The following CYP19A1 variants were observed in gnomAD, a reference collection of about 807,000 sequenced individuals.
CYP19A1 encodes cytochrome P450 family 19 subfamily A member 1, also known as aromatase.
A neutral mutation model predicts 44.4 loss-of-function variants in CYP19A1; 32 were observed. The ratio of observed to expected loss-of-function variants is 0.72; its 90% CI spans 0.54 to 0.97. The LOEUF is 0.97. CYP19A1 is among the 50% of genes least tolerant of loss of function. The probability of loss-of-function intolerance (pLI) is 0.00; values close to 1 mark genes in which losing one functional copy is unlikely to be tolerated. For missense variants in CYP19A1, 598 were observed against 637.8 expected (o/e 0.94, Z 0.67); for synonymous variants, 212 against 215.6 (o/e 0.98, Z 0.14).
chr15:51,278,627 G>T (rs541478068), intron 1 of CYP19A1, among the ~76,000 whole-genome samples: 2 of 152,340 alleles, frequency 1.3e-5, no homozygotes, highest in African/African-American at 4.8e-5. Context: ...AGTGATCTTA[G>T]CCTTTAGCCA....
At chr15:51,317,350 C>T (rs1000901923) in intron 1 of CYP19A1, among the ~76,000 whole-genome samples, 2 of 152,150 alleles carry the variant, frequency 1.3e-5, no homozygotes, top group African/African-American at 4.8e-5. Context: ...ACCTCGTGAT[C>T]GGCCTGCCTT....
At chr15:51,217,215 G>A (rs1595673698) in intron 6 of CYP19A1, among the ~76,000 whole-genome samples, 2 of 152,210 alleles carry the variant, frequency 1.3e-5, no homozygotes, top group Non-Finnish European at 2.9e-5. Flanking sequence ...GTGTTGGAAT[G>A]CCCCAGCCTC....
intron 4 of CYP19A1, among the ~76,000 whole-genome samples, chr15:51,226,933 C>T (rs1261864233): frequency 6.6e-6 from 1 of 151,984 alleles, no homozygotes; most frequent in East Asian, 1.9e-4. Context: ...AGATATGGTC[C>T]CTCTCAGTTC....
At chr15:51,331,572 A>G (rs1166287461) in intron 1 of CYP19A1, among the ~76,000 whole-genome samples, 4 of 151,974 alleles carry the variant, frequency 2.6e-5, no homozygotes, top group African/African-American at 9.7e-5. Context: ...ATGTATTTGT[A>G]TGACCCAGAA....
chr15:51,210,846 A>G lies in CYP19A1; in HGVS notation c.1474T>C (p.Phe492Leu). The G allele has an allele frequency of 1.9e-6, 3 of 1,599,214 alleles. No homozygotes were observed. Among genetic ancestry groups the G allele is most frequent in the Non-Finnish European group, 1.7e-6 (2 of 1,166,430 alleles). The change falls in exon 10 of 10, where the codon TTT becomes CTT. Residue 492 changes from phenylalanine (F) to leucine (L), a missense_variant. By Grantham distance (22) the Phe-to-Leu change is conservative. Coordinates refer to ENST00000396402, the MANE Select transcript of CYP19A1 (RefSeq NM_000103.4). ...DETKNMLEMI[F>L]TPRNSDRCLE... ...CACCTGTCTGAGTTTCTTGGGGTAA[A>G]GATCATTTCCAGCATGTTTTTAGTC... is the stretch of plus-strand genomic sequence containing the variant.
chr15:51,275,384 C>T (rs544249738), intron 1 of CYP19A1, among the ~76,000 whole-genome samples: 1 of 152,358 alleles, frequency 6.6e-6, no homozygotes, highest in South Asian at 2.1e-4. Context: ...TCCAGCCCTA[C>T]TCAGAGCTTT....
At chr15:51,228,027 C>T in intron 3 of CYP19A1, 94 bp from the exon 4 acceptor site, 1 of 776,514 alleles carries the variant, frequency 1.3e-6, no homozygotes, top group South Asian at 1.4e-5. Flanking sequence ...TTAGCAAATG[C>T]ATGTTGCTCC....
At chr15:51,253,996 G>A (rs935784930) in intron 1 of CYP19A1, among the ~76,000 whole-genome samples, 5 of 152,154 alleles carry the variant, frequency 3.3e-5, no homozygotes, top group Non-Finnish European at 7.3e-5. Context: ...AAATGAAGAG[G>A]CTAGATTTGT....
intron 1 of CYP19A1, among the ~76,000 whole-genome samples, chr15:51,244,406 G>A (rs752896375): frequency 6.6e-6 from 1 of 152,014 alleles, no homozygotes; most frequent in Non-Finnish European, 1.5e-5. Flanking sequence ...GCACTGGAAA[G>A]GTCCTTTGAG....
chr15:51,223,559 T>C (rs932582810), intron 4 of CYP19A1, among the ~76,000 whole-genome samples: 2 of 149,020 alleles, frequency 1.3e-5, no homozygotes, highest in African/African-American at 5.0e-5. Flanking sequence ...CTATCCTCTC[T>C]CTCTCTCTCT....
At chr15:51,294,563 C>T (rs1374901679) in intron 1 of CYP19A1, among the ~76,000 whole-genome samples, 148 of 148,358 alleles carry the variant, frequency 1.0e-3, no homozygotes, top group Non-Finnish European at 1.8e-3. Flanking sequence ...CCGGCAGCCG[C>T]CCCGTCCGGG....
Position 51,229,507 on chromosome 15 carries a change from T to A in CYP19A1, c.297-1574A>T, listed in dbSNP as rs28500668. Among the ~76,000 whole-genome samples, 1,203 of 152,066 alleles carry A rather than the reference T, an allele frequency of 7.9e-3. 27 individuals are homozygous for A. Among genetic ancestry groups the A allele is most frequent in the African/African-American group, 0.028 (1,158 of 41,512 alleles). ...AATATTCTCTTGATCTGATTCCAGA[T>A]AATATTCATCAAATAATCCTAAGTT... On this transcript the variant is annotated intron_variant, in intron 3 of 9. Coordinates refer to ENST00000396402, the MANE Select transcript of CYP19A1 (RefSeq NM_000103.4).
chr15:51,317,664 G>A (rs1347403781), intron 1 of CYP19A1, among the ~76,000 whole-genome samples: 1 of 152,200 alleles, frequency 6.6e-6, no homozygotes, highest in Non-Finnish European at 1.5e-5. Context: ...AACCATGTGG[G>A]CATGAAGAGG....
intron 2 of CYP19A1, among the ~76,000 whole-genome samples, chr15:51,241,368 C>G (rs1302281836): frequency 3.3e-5 from 5 of 152,302 alleles, no homozygotes; most frequent in Non-Finnish European, 5.9e-5. Flanking sequence ...TAACAAGCTC[C>G]TACCTGCTGG....
intron 1 of CYP19A1, among the ~76,000 whole-genome samples, chr15:51,281,996 T>G (rs2035534960): frequency 6.6e-6 from 1 of 152,166 alleles, no homozygotes; most frequent in Admixed American, 6.5e-5. Context: ...ATAATGAGAA[T>G]AAACCAAATA....
chr15:51,247,400 T>C (rs1046976625), intron 1 of CYP19A1, among the ~76,000 whole-genome samples: 1 of 152,142 alleles, frequency 6.6e-6, no homozygotes. Context: ...CATAGTTACG[T>C]CTAAAACCCA....
At chr15:51,217,238 G>C (rs148551480) in intron 6 of CYP19A1, among the ~76,000 whole-genome samples, 1 of 152,302 alleles carries the variant, frequency 6.6e-6, no homozygotes, top group African/African-American at 2.4e-5. Context: ...AATTCATAGA[G>C]AGCTCCTTGA....
At chr15:51,297,727 A>G (rs2036024654) in intron 1 of CYP19A1, among the ~76,000 whole-genome samples, 1 of 151,408 alleles carries the variant, frequency 6.6e-6, no homozygotes, top group Non-Finnish European at 1.5e-5. Flanking sequence ...TGGGTCCCAA[A>G]TCTCCTATAT....
intron 5 of CYP19A1, chr15:51,222,130 T>C (rs2032138035): frequency 2.7e-6 from 2 of 727,866 alleles, no homozygotes; most frequent in Admixed American, 3.0e-5. Flanking sequence ...TGAGGAAAGA[T>C]ACAAAAGGCT....
Sources: gnomAD v4.1 joint callset for allele counts (sites outside exome capture counted in the v4.1 genomes callset) on GRCh38, gnomAD v4.1.1 for gene constraint, MANE v1.5 for transcripts, NCBI Gene and HGNC (gene_info 2026-07-23, HGNC 2026-07-21) for gene names.